Variants in SPACA6 observed in about 807,000 individuals in gnomAD.
SPACA6 encodes sperm acrosome membrane-associated protein 6.
For missense variants in SPACA6, 8 were observed against 2.8 expected, an observed-to-expected ratio of 2.88 and a Z score of -1.34; for synonymous variants, 6 against 1.5, an observed-to-expected ratio of 4.05 and a Z score of -2.21.
At chr19:51,692,406 T>C (rs1429336512), upstream of SPACA6, among the ~76,000 whole-genome samples, 1 of 151,626 alleles carries the variant, frequency 6.6e-6, no homozygotes, top group Non-Finnish European at 1.5e-5. This position sits in a 1 kb window ranked among gnomAD's most constrained non-coding sequence, Gnocchi z 5.6. Context: ...GGCTGAGTCC[T>C]TGGATTCCAG....
chr19:51,693,849 G>C (rs1043486905), intron 1 of SPACA6, 109 bp downstream of exon 1: 47 of 400,638 alleles, frequency 1.2e-4, no homozygotes, highest in Non-Finnish European at 1.8e-4. Flanking sequence ...ACAGTCAGAG[G>C]AGAAAGGCTC....
At chr19:51,688,902 G>GGAGAGA (rs138147326), upstream of SPACA6, among the ~76,000 whole-genome samples, 87 of 70,938 alleles carry the variant, frequency 1.2e-3, no homozygotes, top group African/African-American at 4.0e-3. Context: ...AGGGAAAGAG[G>GGAGAGA]GAGAGAGAGA....
intron 2 of SPACA6, among the ~76,000 whole-genome samples, chr19:51,698,851 C>A (rs2083448306): frequency 6.6e-6 from 1 of 152,168 alleles, no homozygotes; most frequent in Non-Finnish European, 1.5e-5. Flanking sequence ...TAATATGGCA[C>A]CTCCATTTCT....
At chr19:51,702,551 G>C (rs887572405) in intron 3 of SPACA6, 78 bp from the exon 4 acceptor site, 1 of 395,654 alleles carries the variant, frequency 2.5e-6, no homozygotes, top group African/African-American at 2.1e-5. Context: ...TTCGGGCCTT[G>C]TAACATTAGC....
chr19:51,698,155 G>A (rs1406875170), intron 2 of SPACA6, among the ~76,000 whole-genome samples: 1 of 152,176 alleles, frequency 6.6e-6, no homozygotes, highest in Non-Finnish European at 1.5e-5. Context: ...GGAAGGTGAA[G>A]TCACTTGGCC....
At chr19:51,708,598 G>T (rs148793478), downstream of SPACA6, among the ~76,000 whole-genome samples, 2 of 152,070 alleles carry the variant, frequency 1.3e-5, no homozygotes, top group Admixed American at 6.6e-5. Flanking sequence ...AGGCCGAGAC[G>T]GGTGGATTAC....
chr19:51,707,720 C>A (rs35653323), downstream of SPACA6, among the ~76,000 whole-genome samples: 2 of 152,152 alleles, frequency 1.3e-5, no homozygotes, highest in Non-Finnish European at 2.9e-5. Context: ...AGACTGCCCC[C>A]ACTTCAGACA....
At chr19:51,684,176 G>A (rs548008086), upstream of SPACA6, among the ~76,000 whole-genome samples, 1 of 152,290 alleles carries the variant, frequency 6.6e-6, no homozygotes, top group South Asian at 2.1e-4. Context: ...ATTCTTGTCA[G>A]AGTCATGTGG....
At chr19:51,705,641 T>A (rs1718652673), downstream of SPACA6, among the ~76,000 whole-genome samples, 1 of 151,768 alleles carries the variant, frequency 6.6e-6, no homozygotes, top group African/African-American at 2.4e-5. Flanking sequence ...CCCCACCACC[T>A]CCTTGGCCTC....
chr19:51,711,528 C>T (rs75158894), intron 2 of SPACA6, among the ~76,000 whole-genome samples: 2,792 of 152,286 alleles, frequency 0.018, 80 homozygotes, highest in African/African-American at 0.06. Context: ...CCCAGCAATT[C>T]AATTTCTAAG....
At chr19:51,706,511 T>G (rs535908257), downstream of SPACA6, among the ~76,000 whole-genome samples, 1 of 152,250 alleles carries the variant, frequency 6.6e-6, no homozygotes, top group Admixed American at 6.5e-5. Flanking sequence ...TTGCTGTGCT[T>G]CATACTTGAA....
upstream of SPACA6, among the ~76,000 whole-genome samples, chr19:51,691,022 T>TGG (rs140340683): frequency 1 from 150,840 of 150,848 alleles, 75,416 homozygotes; most frequent in Middle Eastern, 1. Context: ...GGAAGAGAGC[T>TGG]GGCCGTAGAC....
chr19:51,700,857 A>G (rs2083463488), intron 2 of SPACA6, among the ~76,000 whole-genome samples: 1 of 152,172 alleles, frequency 6.6e-6, no homozygotes, highest in Non-Finnish European at 1.5e-5. Flanking sequence ...TAGGAGAAGG[A>G]AAAATGTGCT....
downstream of SPACA6, among the ~76,000 whole-genome samples, chr19:51,710,158 T>C (rs1046771503): frequency 6.6e-6 from 1 of 152,248 alleles, no homozygotes; most frequent in Admixed American, 6.5e-5. Context: ...TCCTGCTCTA[T>C]GACAACAGCA....
upstream of SPACA6, among the ~76,000 whole-genome samples, chr19:51,691,886 C>G (rs996977158): frequency 6.6e-6 from 1 of 152,010 alleles, no homozygotes; most frequent in Non-Finnish European, 1.5e-5. Flanking sequence ...AGAGGGAGGA[C>G]AGAGATGGGG....
upstream of SPACA6, among the ~76,000 whole-genome samples, chr19:51,690,892 G>A (rs145039573): frequency 8.7e-3 from 1,314 of 151,808 alleles, 28 homozygotes; most frequent in African/African-American, 0.03. Context: ...CCTGGGCTCC[G>A]GGCCAGGTTG....
upstream of SPACA6, chr19:51,686,664 C>G (rs2083329737): frequency 1.3e-5 from 2 of 152,166 alleles, no homozygotes; most frequent in Non-Finnish European, 2.9e-5. Context: ...GCCAGAGAGG[C>G]CTGGGTTTGA....
In SPACA6 at chr19:51,693,454, A is replaced by G; in HGVS notation, c.-73A>G. ...GAAACCTGACCTCTGACCCCAGACC[A>G]CTGGCCCTTCCCCCGCCCTGTGGTG... is the stretch of plus-strand genomic sequence containing the variant. On this transcript the variant is annotated 5_prime_UTR_variant, in exon 1 of 9. Transcript: ENST00000637797. The G allele has an allele frequency of 1.8e-6, 1 of 565,534 alleles. No individual in the cohort carries two copies. Among genetic ancestry groups the G allele is most frequent in the South Asian group, 2.3e-5 (1 of 43,766 alleles). The allele number at this position is 565,534 out of a possible 1,614,324, so 35.0% of individuals were successfully genotyped here.
chr19:51,709,441 C>T (rs1484549828), downstream of SPACA6, among the ~76,000 whole-genome samples: 2 of 148,188 alleles, frequency 1.3e-5, no homozygotes, highest in East Asian at 2.0e-4. Context: ...TGCTTGAACC[C>T]GTGAGGCGGA....
Sources: gnomAD v4.1 joint callset for allele counts (sites outside exome capture counted in the v4.1 genomes callset) on GRCh38, gnomAD v4.1.1 for gene constraint, Gnocchi (gnomAD v3.1) non-coding constraint, MANE v1.5 for transcripts, NCBI Gene and HGNC (gene_info 2026-07-23, HGNC 2026-07-21) for gene names.